The following ANTXR1 variants were observed in gnomAD, a reference collection of about 807,000 sequenced individuals.
The protein encoded by ANTXR1 is anthrax toxin receptor 1.
ANTXR1 carries 19 observed loss-of-function variants against 78.1 expected under a neutral mutation model. The ratio of observed to expected loss-of-function variants is 0.24; its 90% CI spans 0.17 to 0.36. ANTXR1 has a LOEUF of 0.36. Ranked by LOEUF, ANTXR1 falls within the 10% of genes least tolerant of loss-of-function variation. The pLI is 1.00. For synonymous variants in ANTXR1, 273 were observed against 260.5 expected (o/e 1.05, Z -0.46); for missense variants, 518 against 718.6 (o/e 0.72, Z 3.19).
intron 12 of ANTXR1, among the ~76,000 whole-genome samples, chr2:69,130,064 C>T (rs1672685022): frequency 6.6e-6 from 1 of 152,080 alleles, no homozygotes; most frequent in African/African-American, 2.4e-5. Context: ...ATTTCTGGGG[C>T]CTTTCAATTT....
chr2:69,071,864 A>G, intron 5 of ANTXR1, 77 bp downstream of exon 5: 3 of 1,325,710 alleles, frequency 2.3e-6, no homozygotes, highest in Non-Finnish European at 3.3e-6. Context: ...TGCTTCAGTC[A>G]TTTCATGTTT....
chr2:69,182,391 T>G, intron 15 of ANTXR1, 102 bp from the exon 16 acceptor site: 1 of 1,381,030 alleles, frequency 7.2e-7, no homozygotes, highest in Non-Finnish European at 1.0e-6. Context: ...AATCCAGGGT[T>G]GGGTAGCATT....
intron 17 of ANTXR1, among the ~76,000 whole-genome samples, chr2:69,222,594 A>G (rs1160886087): frequency 1.3e-5 from 2 of 152,214 alleles, no homozygotes; most frequent in African/African-American, 4.8e-5. Flanking sequence ...ATCAGGCAGA[A>G]TAACAGCAGA....
chr2:69,157,836 A>T (rs982986753), intron 13 of ANTXR1, among the ~76,000 whole-genome samples: 2 of 152,018 alleles, frequency 1.3e-5, no homozygotes, highest in Admixed American at 1.3e-4. Flanking sequence ...CATTAAAGAG[A>T]CTTTTCATTT....
chr2:69,211,391 C>A (rs1044321536), intron 17 of ANTXR1, among the ~76,000 whole-genome samples: 1 of 152,208 alleles, frequency 6.6e-6, no homozygotes, highest in Admixed American at 6.5e-5. Context: ...AGGTGTTGGG[C>A]ACATCTGTGT....
chr2:69,198,388 G>C (rs1421164037), intron 17 of ANTXR1, among the ~76,000 whole-genome samples: 1 of 152,022 alleles, frequency 6.6e-6, no homozygotes, highest in African/African-American at 2.4e-5. Context: ...GGTTTGACTT[G>C]GCTCATTTTT....
intron 1 of ANTXR1, among the ~76,000 whole-genome samples, chr2:69,034,604 G>A (rs1200746059): frequency 6.6e-6 from 1 of 152,180 alleles, no homozygotes; most frequent in East Asian, 1.9e-4. Context: ...CTGATTTCTA[G>A]AACGTGGCAC....
At chr2:69,080,569 G>T (rs185597960) in intron 8 of ANTXR1, among the ~76,000 whole-genome samples, 1 of 152,102 alleles carries the variant, frequency 6.6e-6, no homozygotes, top group Non-Finnish European at 1.5e-5. Flanking sequence ...ATCTTTTATG[G>T]CAGGCTCTGA....
At chr2:69,018,107 G>C (rs2103983230) in intron 1 of ANTXR1, among the ~76,000 whole-genome samples, 1 of 152,180 alleles carries the variant, frequency 6.6e-6, no homozygotes, top group Middle Eastern at 3.4e-3. Context: ...CTGGAAGGCA[G>C]GAGTAAACGC....
intron 13 of ANTXR1, among the ~76,000 whole-genome samples, chr2:69,157,848 T>TA (rs908363002): frequency 6.6e-6 from 1 of 152,170 alleles, no homozygotes; most frequent in African/African-American, 2.4e-5. Flanking sequence ...TTTTCATTTT[T>TA]AAAAAAGGCA....
At chr2:69,108,280 A>C (rs1671873791) in intron 10 of ANTXR1, among the ~76,000 whole-genome samples, 1 of 152,220 alleles carries the variant, frequency 6.6e-6, no homozygotes, top group Admixed American at 6.5e-5. Flanking sequence ...ATTGCTCTAA[A>C]ATAATGCTTG....
chr2:69,124,135 C>T (rs1318632384), intron 11 of ANTXR1, among the ~76,000 whole-genome samples: 2 of 152,202 alleles, frequency 1.3e-5, no homozygotes, highest in African/African-American at 4.8e-5. Flanking sequence ...AAGCCACCCC[C>T]ATCAAATCAC....
At chr2:69,040,335 C>T (rs929069235) in intron 2 of ANTXR1, among the ~76,000 whole-genome samples, 4 of 152,194 alleles carry the variant, frequency 2.6e-5, no homozygotes, top group Admixed American at 6.5e-5. Flanking sequence ...AATCTGGTTA[C>T]GAGACCAAAA....
intron 12 of ANTXR1, among the ~76,000 whole-genome samples, chr2:69,128,415 G>GA (rs1672618644): frequency 1.3e-5 from 2 of 152,152 alleles, no homozygotes. Context: ...GAAGCTTAAT[G>GA]AAAAAAGTTT....
At chr2:69,097,213 G>T (rs1671457864) in intron 9 of ANTXR1, among the ~76,000 whole-genome samples, 1 of 152,200 alleles carries the variant, frequency 6.6e-6, no homozygotes, top group South Asian at 2.1e-4. Flanking sequence ...TTCACAATGT[G>T]CTATGTAAGC....
intron 14 of ANTXR1, among the ~76,000 whole-genome samples, chr2:69,171,914 C>T (rs779502482): frequency 6.6e-6 from 1 of 152,212 alleles, no homozygotes; most frequent in Non-Finnish European, 1.5e-5. Flanking sequence ...AAGCTGACTT[C>T]ATTTCCCAAA....
chr2:69,156,199 G>C (rs1300781653), intron 13 of ANTXR1, among the ~76,000 whole-genome samples: 2 of 152,154 alleles, frequency 1.3e-5, no homozygotes, highest in African/African-American at 2.4e-5. Flanking sequence ...TTTCTCTGAA[G>C]TTCCCTGTAC....
chr2:69,118,583 G>A (rs773387384), intron 10 of ANTXR1, among the ~76,000 whole-genome samples: 11 of 152,104 alleles, frequency 7.2e-5, no homozygotes, highest in South Asian at 4.1e-4. Context: ...CTGCCCACCC[G>A]GTGCTAGTGA....
chr2:69,061,432 A>G (rs1558503706), intron 3 of ANTXR1, among the ~76,000 whole-genome samples: 1 of 151,830 alleles, frequency 6.6e-6, no homozygotes, highest in Non-Finnish European at 1.5e-5. Flanking sequence ...GTAGAAATAA[A>G]TGTCTTAGAG....
Sources: gnomAD v4.1 joint callset for allele counts (sites outside exome capture counted in the v4.1 genomes callset) on GRCh38, gnomAD v4.1.1 for gene constraint, MANE v1.5 for transcripts, NCBI Gene and HGNC (gene_info 2026-07-23, HGNC 2026-07-21) for gene names.